MAPRE2: variants seen among roughly 807,000 people sequenced by gnomAD.
MAPRE2 encodes the protein microtubule associated protein RP/EB family member 2.
In MAPRE2, 13 loss-of-function variants were observed where a neutral mutation model predicts 43.2. The ratio of observed to expected loss-of-function variants is 0.30; its 90% CI spans 0.20 to 0.48. MAPRE2 has a LOEUF of 0.48. Ranked by LOEUF, MAPRE2 falls within the 20% of genes least tolerant of loss-of-function variation. MAPRE2 has a pLI of 0.99. For synonymous variants in MAPRE2, 135 were observed against 148.8 expected, an observed-to-expected ratio of 0.91 and a Z score of 0.68; for missense variants, 161 against 400.2, an observed-to-expected ratio of 0.40 and a Z score of 5.10.
chr18:35,120,039 G>T (rs1434867521), intron 4 of MAPRE2, among the ~76,000 whole-genome samples: 1 of 152,146 alleles, frequency 6.6e-6, no homozygotes, highest in Non-Finnish European at 1.5e-5. Flanking sequence ...TGAGAAGTTG[G>T]TGCTGCTCCT....
intron 4 of MAPRE2, among the ~76,000 whole-genome samples, chr18:35,110,397 G>GT (rs1394202232): frequency 1.3e-5 from 2 of 152,064 alleles, no homozygotes; most frequent in African/African-American, 2.4e-5. Context: ...AGTCAGTGGA[G>GT]TTTTTTTACC....
chr18:35,111,339 T>C (rs1909165218), intron 4 of MAPRE2, among the ~76,000 whole-genome samples: 1 of 152,246 alleles, frequency 6.6e-6, no homozygotes, highest in Admixed American at 6.5e-5. Context: ...TTTCCTTTAC[T>C]TCACTAAACA....
chr18:35,058,281 G>A (rs920978871), intron 1 of MAPRE2, among the ~76,000 whole-genome samples: 3 of 152,002 alleles, frequency 2.0e-5, no homozygotes, highest in African/African-American at 7.3e-5. Flanking sequence ...TAATTTTATT[G>A]GTACTTCATT....
intron 6 of MAPRE2, among the ~76,000 whole-genome samples, chr18:35,139,747 C>T (rs1910541613): frequency 6.6e-6 from 1 of 152,138 alleles, no homozygotes; most frequent in Non-Finnish European, 1.5e-5. Context: ...TCTAAGCCTA[C>T]ATCAGGTTAG....
chr18:35,122,960 TTCCCCAAGTGGCTGTGTGTGGCTAG>T (rs1364893726), intron 4 of MAPRE2, among the ~76,000 whole-genome samples: 8 of 152,240 alleles, frequency 5.3e-5, no homozygotes, highest in Non-Finnish European at 8.8e-5. Flanking sequence ...CAAAACCTGT[TTCCCCAAGTGGCTGTGTGTGGCTAG>T]AAGGGGGAGA....
At chr18:34,998,706 G>A (rs1343680005) in intron 1 of MAPRE2, among the ~76,000 whole-genome samples, 1 of 149,048 alleles carries the variant, frequency 6.7e-6, no homozygotes, top group African/African-American at 2.5e-5. Flanking sequence ...CAGGGGATCT[G>A]TCCAACTTGG....
At chr18:35,089,992 T>A (rs964602223) in intron 2 of MAPRE2, among the ~76,000 whole-genome samples, 1 of 152,220 alleles carries the variant, frequency 6.6e-6, no homozygotes, top group Non-Finnish European at 1.5e-5. Flanking sequence ...ACAACATGGA[T>A]AAACCTTGAG....
chr18:35,143,071 G>GAAAAAAAAAAAA lies in MAPRE2; in HGVS notation c.*2709_*2720dup. On this transcript the variant is annotated 3_prime_UTR_variant, in exon 7 of 7. Transcript: ENST00000300249. ...ATATTTGTTCTAAGCAGAAAAGCAG[G>GAAAAAAAAAAAA]AAAAAAAAAAAAAAAAAAGAAAGAA... 7.9e-6 allele frequency: 1 copy of GAAAAAAAAAAAA among 126,518 alleles called. No homozygotes were observed. Among genetic ancestry groups the GAAAAAAAAAAAA allele is most frequent in the Non-Finnish European group, 1.6e-5 (1 of 60,824 alleles). The allele number at this position is 126,518 out of a possible 1,614,324, so 7.8% of individuals were successfully genotyped here. A position where few individuals can be genotyped will look rare whatever the true frequency, so the allele number is the denominator to read the frequency against.
chr18:34,998,309 G>C (rs944348806), intron 1 of MAPRE2, among the ~76,000 whole-genome samples: 3 of 148,998 alleles, frequency 2.0e-5, no homozygotes, highest in African/African-American at 7.4e-5. Context: ...TCACTTACCA[G>C]CATTTTTCTC....
At chr18:35,059,608 C>T (rs922003909) in intron 1 of MAPRE2, among the ~76,000 whole-genome samples, 3 of 152,092 alleles carry the variant, frequency 2.0e-5, no homozygotes, top group African/African-American at 7.2e-5. Flanking sequence ...AGATGGTAAA[C>T]AAACAAGATA....
At chr18:35,019,754 T>C (rs2097040779) in intron 2 of MAPRE2, among the ~76,000 whole-genome samples, 1 of 152,042 alleles carries the variant, frequency 6.6e-6, no homozygotes, top group African/African-American at 2.4e-5. Context: ...TTATAGATCA[T>C]AACTGGTTAA....
chr18:35,077,421 A>G (rs912691463), intron 2 of MAPRE2, among the ~76,000 whole-genome samples: 1 of 152,180 alleles, frequency 6.6e-6, no homozygotes, highest in Non-Finnish European at 1.5e-5. Flanking sequence ...CACAAATGCT[A>G]TTGTATCTAC....
chr18:35,016,693 T>C (rs1450058687), intron 2 of MAPRE2, among the ~76,000 whole-genome samples: 1 of 152,108 alleles, frequency 6.6e-6, no homozygotes, highest in East Asian at 1.9e-4. Flanking sequence ...CCTTATAGAC[T>C]CTGGATATTA....
intron 2 of MAPRE2, among the ~76,000 whole-genome samples, chr18:35,096,693 A>G (rs1411947314): frequency 1.3e-5 from 2 of 152,300 alleles, no homozygotes; most frequent in East Asian, 3.9e-4. Context: ...AACTTGGCTT[A>G]TAACAAAATT....
chr18:35,029,063 A>C (rs749116499), intron 2 of MAPRE2, among the ~76,000 whole-genome samples: 14 of 152,230 alleles, frequency 9.2e-5, no homozygotes, highest in Non-Finnish European at 1.2e-4. Context: ...CTTTCTGTAC[A>C]TGTTGAGTCA....
chr18:35,078,835 A>G (rs1258375401), intron 2 of MAPRE2, among the ~76,000 whole-genome samples: 3 of 152,212 alleles, frequency 2.0e-5, no homozygotes, highest in African/African-American at 7.2e-5. Flanking sequence ...TCCCAATGGT[A>G]TCATCATCAA....
intron 6 of MAPRE2, among the ~76,000 whole-genome samples, chr18:35,139,572 G>A (rs9953552): frequency 1.8e-3 from 274 of 152,244 alleles, no homozygotes; most frequent in African/African-American, 5.1e-3. Flanking sequence ...TAAACATAAC[G>A]TAAGCCAAAA....
upstream of MAPRE2, among the ~76,000 whole-genome samples, chr18:35,037,551 TCAGCACATGCTTTATTTTAGATATGC>T (rs1346298614): frequency 6.6e-6 from 1 of 152,206 alleles, no homozygotes; most frequent in Non-Finnish European, 1.5e-5. Flanking sequence ...AGGGCAATGG[TCAGCACATGCTTTATTTTAGATATGC>T]CAGCACATGC....
intron 2 of MAPRE2, among the ~76,000 whole-genome samples, chr18:35,009,245 G>T (rs2097033256): frequency 6.6e-6 from 1 of 152,102 alleles, no homozygotes. Context: ...GTGAGTTGGT[G>T]TGGAATACTC....
Sources: allele counts gnomAD v4.1 joint callset (sites outside exome capture counted in the v4.1 genomes callset), GRCh38; gene constraint gnomAD v4.1.1; transcripts MANE v1.5; gene names NCBI Gene and HGNC (gene_info 2026-07-23, HGNC 2026-07-21).